The following CAMK1D variants were observed in gnomAD, a reference collection of about 807,000 sequenced individuals.
The protein encoded by CAMK1D is calcium/calmodulin dependent protein kinase ID, also known as calcium/calmodulin-dependent protein kinase type 1D.
In CAMK1D, 9 loss-of-function variants were observed where a neutral mutation model predicts 47.7. That is an observed-to-expected ratio of 0.19 (90% CI 0.11 to 0.33). The LOEUF (loss-of-function observed/expected upper bound fraction) is 0.33. Ranked by LOEUF, CAMK1D falls within the 10% of genes least tolerant of loss-of-function variation. CAMK1D has a pLI of 1.00. For missense variants in CAMK1D, 291 were observed against 488.7 expected, an observed-to-expected ratio of 0.60 and a Z score of 3.81; for synonymous variants, 184 against 184.9, an observed-to-expected ratio of 0.99 and a Z score of 0.04.
At chr10:12,722,239 C>G (rs1357145432) in intron 3 of CAMK1D, among the ~76,000 whole-genome samples, 2 of 151,848 alleles carry the variant, frequency 1.3e-5, no homozygotes, top group South Asian at 4.2e-4. Context: ...GTCTGGAGAT[C>G]GAGACCATCC....
intron 1 of CAMK1D, among the ~76,000 whole-genome samples, chr10:12,402,221 C>T (rs975763781): frequency 8.6e-5 from 13 of 151,666 alleles, no homozygotes; most frequent in African/African-American, 3.1e-4. Context: ...GGATTACAGG[C>T]ACGAGCCACC....
intron 2 of CAMK1D, among the ~76,000 whole-genome samples, chr10:12,657,487 C>T (rs1840152492): frequency 6.8e-6 from 1 of 147,594 alleles, no homozygotes; most frequent in South Asian, 2.2e-4. Flanking sequence ...TTGGGCAATA[C>T]AACAGTTTAG....
At chr10:12,489,634 C>G (rs765079519) in intron 1 of CAMK1D, among the ~76,000 whole-genome samples, 1 of 152,168 alleles carries the variant, frequency 6.6e-6, no homozygotes, top group African/African-American at 2.4e-5. Context: ...CTGTGCAGCT[C>G]GTTCCTAACC....
chr10:12,535,286 T>TA (rs1476445896), intron 1 of CAMK1D, among the ~76,000 whole-genome samples: 2 of 152,216 alleles, frequency 1.3e-5, no homozygotes, highest in Non-Finnish European at 2.9e-5. Flanking sequence ...TCCAACTTCT[T>TA]AGGATACCAC....
chr10:12,504,472 T>A (rs1834810311), intron 1 of CAMK1D, among the ~76,000 whole-genome samples: 2 of 152,114 alleles, frequency 1.3e-5, no homozygotes, highest in South Asian at 4.1e-4. Context: ...TCCTCTGCCT[T>A]TTCATTCCAC....
At chr10:12,812,094 A>G (rs1449247641) in intron 6 of CAMK1D, among the ~76,000 whole-genome samples, 1 of 152,236 alleles carries the variant, frequency 6.6e-6, no homozygotes, top group Non-Finnish European at 1.5e-5. Context: ...CTGCGCAGCG[A>G]TGGCTGGCGA....
At chr10:12,678,345 A>G (rs887786518) in intron 3 of CAMK1D, among the ~76,000 whole-genome samples, 7 of 152,230 alleles carry the variant, frequency 4.6e-5, no homozygotes, top group East Asian at 3.8e-4. Flanking sequence ...TTGTGATTGG[A>G]AAGATACTTT....
At chr10:12,616,513 TTGTTG>T in intron 2 of CAMK1D, among the ~76,000 whole-genome samples, 1 of 13,782 alleles carries the variant, frequency 7.3e-5, no homozygotes, top group South Asian at 0.01. Context: ...TTGTTTTTTG[TTGTTG>T]TTGTTGTTGT....
intron 1 of CAMK1D, among the ~76,000 whole-genome samples, chr10:12,518,435 T>C (rs1024350600): frequency 1.3e-5 from 2 of 152,250 alleles, no homozygotes; most frequent in African/African-American, 2.4e-5. Flanking sequence ...AGCCCTTTAA[T>C]GTCTATAGGG....
intron 1 of CAMK1D, among the ~76,000 whole-genome samples, chr10:12,456,284 G>A (rs1040325060): frequency 2.0e-5 from 3 of 152,154 alleles, no homozygotes; most frequent in African/African-American, 7.2e-5. Flanking sequence ...TAGAATTCCT[G>A]AATGCTCTTA....
intron 2 of CAMK1D, among the ~76,000 whole-genome samples, chr10:12,600,288 C>T (rs1233457050): frequency 1.3e-5 from 2 of 152,158 alleles, no homozygotes; most frequent in East Asian, 3.8e-4. Context: ...TTCAGCATTC[C>T]CTTTGAGACC....
At chr10:12,689,770 C>T (rs1024666084) in intron 3 of CAMK1D, among the ~76,000 whole-genome samples, 2 of 127,096 alleles carry the variant, frequency 1.6e-5, no homozygotes, top group African/African-American at 2.8e-5. Flanking sequence ...GGCGAGACTC[C>T]ACCTCAAAAA....
intron 1 of CAMK1D, among the ~76,000 whole-genome samples, chr10:12,419,677 T>C (rs1378263183): frequency 2.4e-5 from 3 of 125,480 alleles, no homozygotes; most frequent in African/African-American, 5.9e-5. Context: ...CACGCAAAAA[T>C]AGAGTTCTTG....
intron 1 of CAMK1D, among the ~76,000 whole-genome samples, chr10:12,520,943 A>T (rs61847445): frequency 3.6e-4 from 1 of 2,758 alleles, no homozygotes; most frequent in Non-Finnish European, 7.3e-4. Context: ...GGAGAGGGAG[A>T]GGGAGGGGGA....
intron 3 of CAMK1D, among the ~76,000 whole-genome samples, chr10:12,695,034 A>AGATT (rs1833213965): frequency 9.6e-6 from 1 of 103,920 alleles, no homozygotes. Context: ...ATAGATAGAT[A>AGATT]GATAGATAGA....
rs1833428881 is a variant in CAMK1D at position 12,832,142 on chromosome 10, C to T, written c.*3255C>T. On this transcript the variant is annotated 3_prime_UTR_variant, in exon 11 of 11. Coordinates refer to ENST00000619168, the MANE Select transcript of CAMK1D (RefSeq NM_153498.4). ...GGAGTATTCAATGTTGAAGTAGTGGCCTGGAGTGGCCTTTCCCTCAGCTGC... is the reference window on the plus strand; with the variant it reads ...GGAGTATTCAATGTTGAAGTAGTGGTCTGGAGTGGCCTTTCCCTCAGCTGC... The T allele has an allele frequency of 6.6e-6, 1 of 152,368 alleles. No homozygotes were observed. Among genetic ancestry groups the T allele is most frequent in the African/African-American group, 2.4e-5 (1 of 41,470 alleles). 9.4% of individuals were successfully genotyped at this position (152,368 alleles called of 1,614,324 possible).
intron 1 of CAMK1D, among the ~76,000 whole-genome samples, chr10:12,540,983 A>G (rs1836151736): frequency 1.3e-5 from 2 of 152,066 alleles, no homozygotes; most frequent in Admixed American, 6.6e-5. Flanking sequence ...GTTAGCATAA[A>G]CAAATGTATG....
intron 1 of CAMK1D, among the ~76,000 whole-genome samples, chr10:12,450,128 GGA>G (rs1278417126): frequency 6.8e-6 from 1 of 146,404 alleles, no homozygotes; most frequent in South Asian, 2.3e-4. Flanking sequence ...GGGAGGGTGG[GGA>G]GAGAGAGAAA....
chr10:12,564,530 G>C (rs1837062472), intron 2 of CAMK1D, among the ~76,000 whole-genome samples: 1 of 152,180 alleles, frequency 6.6e-6, no homozygotes, highest in South Asian at 2.1e-4. Context: ...CTGTTTTTAA[G>C]CTATATAACT....
Sources: gnomAD v4.1 joint callset for allele counts (sites outside exome capture counted in the v4.1 genomes callset) on GRCh38, gnomAD v4.1.1 for gene constraint, MANE v1.5 for transcripts, NCBI Gene and HGNC (gene_info 2026-07-23, HGNC 2026-07-21) for gene names.